The following CEP112 variants were observed in gnomAD, a reference collection of about 807,000 sequenced individuals.
CEP112 encodes centrosomal protein 112.
CEP112 carries 127 observed loss-of-function variants against 153.0 expected under a neutral mutation model. The ratio of observed to expected loss-of-function variants is 0.83; its 90% confidence interval spans 0.72 to 0.96. CEP112 has a LOEUF of 0.96. CEP112 is among the 40% of genes least tolerant of loss of function. The pLI, the probability that CEP112 is intolerant of heterozygous loss-of-function variation, is 0.00. For missense variants in CEP112, 1,089 were observed against 1,101.2 expected, an observed-to-expected ratio of 0.99 and a Z score of 0.16; for synonymous variants, 358 against 374.4, an observed-to-expected ratio of 0.96 and a Z score of 0.51.
At position 65,868,973 on chromosome 17, in the gene CEP112, A is replaced by G. The variant is rs146467121; in HGVS notation, c.2164-16939T>C. Among the ~76,000 whole-genome samples, 8 of 152,352 alleles carry G rather than the reference A, an allele frequency of 5.3e-5. No homozygotes were observed. In the East Asian group the frequency reaches 1.5e-3, roughly 29 times the overall value. On this transcript the variant is annotated intron_variant, in intron 20 of 26. Coordinates refer to ENST00000535342, the MANE Select transcript of CEP112 (RefSeq NM_001199165.4). The stretch of plus-strand genomic sequence containing the variant: ...GGCTCAAATTTGAACACGTGTTCTC[A>G]TAAGTTATTGCATAGACAGGTAGCT...
At chr17:65,901,070 C>T (rs1019927576) in intron 20 of CEP112, among the ~76,000 whole-genome samples, 21 of 152,264 alleles carry the variant, frequency 1.4e-4, no homozygotes, top group African/African-American at 2.9e-4. Context: ...TACCACCTCC[C>T]GCTGTCCACT....
At chr17:65,786,169 T>C (rs1176013970) in intron 21 of CEP112, among the ~76,000 whole-genome samples, 2 of 152,248 alleles carry the variant, frequency 1.3e-5, no homozygotes, top group Non-Finnish European at 2.9e-5. Flanking sequence ...ATTTAATTAT[T>C]TCATGCTATT....
chr17:65,687,552 T>A (rs1353318118), intron 24 of CEP112, among the ~76,000 whole-genome samples: 1 of 152,226 alleles, frequency 6.6e-6, no homozygotes, highest in Non-Finnish European at 1.5e-5. Flanking sequence ...ATAAAACGTA[T>A]ATGTATATAT....
At chr17:65,650,623 C>A (rs200196075) in intron 24 of CEP112, among the ~76,000 whole-genome samples, 9 of 149,766 alleles carry the variant, frequency 6.0e-5, no homozygotes, top group Admixed American at 2.7e-4. Flanking sequence ...TGGCCAGGAG[C>A]GGTGGCTCAT....
chr17:65,685,730 T>C (rs1165635810), intron 24 of CEP112, among the ~76,000 whole-genome samples: 1 of 139,612 alleles, frequency 7.2e-6, no homozygotes, highest in African/African-American at 2.7e-5. Flanking sequence ...TGGAGTGCAA[T>C]GGCACAATCT....
At chr17:65,750,177 T>C (rs988567174) in intron 22 of CEP112, among the ~76,000 whole-genome samples, 1 of 152,204 alleles carries the variant, frequency 6.6e-6, no homozygotes, top group Non-Finnish European at 1.5e-5. Flanking sequence ...CTTAGAATTC[T>C]CTTTGTCCTA....
chr17:65,986,445 T>C (rs1849838440), intron 17 of CEP112, among the ~76,000 whole-genome samples: 1 of 152,206 alleles, frequency 6.6e-6, no homozygotes, highest in Non-Finnish European at 1.5e-5. Context: ...GATTCTTCTA[T>C]GATAATGCTT....
intron 1 of CEP112, among the ~76,000 whole-genome samples, chr17:66,190,092 G>A (rs1312204431): frequency 6.6e-6 from 1 of 151,924 alleles, no homozygotes; most frequent in East Asian, 1.9e-4. Context: ...CACTTTGGGA[G>A]GCCGAGGCGG....
At chr17:66,034,970 T>TGTGTGTGGGTGTGTGTG (rs1568411071) in intron 12 of CEP112, among the ~76,000 whole-genome samples, 1 of 96,758 alleles carries the variant, frequency 1.0e-5, no homozygotes, top group Admixed American at 1.4e-4. Flanking sequence ...AGCTAAGTTT[T>TGTGTGTGGGTGTGTGTG]TGCATGTATA....
intron 1 of CEP112, among the ~76,000 whole-genome samples, chr17:66,185,153 T>C (rs1401104247): frequency 2.0e-5 from 3 of 152,028 alleles, no homozygotes; most frequent in African/African-American, 4.8e-5. Flanking sequence ...ACTATCTATG[T>C]AGGAAGTTAT....
intron 19 of CEP112, among the ~76,000 whole-genome samples, chr17:65,922,988 T>A (rs543277649): frequency 4.6e-5 from 7 of 152,152 alleles, no homozygotes; most frequent in Non-Finnish European, 1.0e-4. Flanking sequence ...TCCAAGCAAC[T>A]TCCCCCATCA....
intron 20 of CEP112, among the ~76,000 whole-genome samples, chr17:65,860,192 A>T (rs1451918101): frequency 6.6e-6 from 1 of 151,504 alleles, no homozygotes; most frequent in East Asian, 1.9e-4. Context: ...AATTATAAAC[A>T]TTTACAGCTA....
intron 17 of CEP112, among the ~76,000 whole-genome samples, chr17:65,978,493 A>G (rs1168428722): frequency 6.6e-6 from 1 of 152,254 alleles, no homozygotes; most frequent in African/African-American, 2.4e-5. Flanking sequence ...TGAAATCTCT[A>G]TGAACCTCAG....
chr17:66,110,676 GA>G (rs72146457), intron 6 of CEP112, among the ~76,000 whole-genome samples: 25,183 of 133,242 alleles, frequency 0.19, 2,978 homozygotes, highest in African/African-American at 0.37. Context: ...AACAAGAAAT[GA>G]AAAAAAAAAA....
intron 12 of CEP112, among the ~76,000 whole-genome samples, chr17:66,036,034 A>C (rs1348447882): frequency 2.6e-5 from 4 of 152,264 alleles, no homozygotes; most frequent in Non-Finnish European, 5.9e-5. Flanking sequence ...TTATTCAGCC[A>C]TTAAAAAGGG....
At chr17:65,687,473 T>G (rs1050438725) in intron 24 of CEP112, among the ~76,000 whole-genome samples, 1 of 152,104 alleles carries the variant, frequency 6.6e-6, no homozygotes, top group Non-Finnish European at 1.5e-5. Flanking sequence ...GCCTAGTTAT[T>G]ATTAATTTTT....
intron 24 of CEP112, among the ~76,000 whole-genome samples, chr17:65,654,056 C>CAAAAAAAAAAAAA (rs773433478): frequency 3.3e-4 from 9 of 26,878 alleles, no homozygotes; most frequent in African/African-American, 1.3e-3. Context: ...AAGACTCCAT[C>CAAAAAAAAAAAAA]AAAAAAAAAA....
chr17:65,907,667 G>A (rs1315591483), intron 19 of CEP112, among the ~76,000 whole-genome samples: 3 of 152,166 alleles, frequency 2.0e-5, no homozygotes, highest in Non-Finnish European at 4.4e-5. Context: ...GGGTCCAGAG[G>A]AGAAACCCTA....
chr17:66,180,442 C>T (rs1327042636), intron 2 of CEP112, among the ~76,000 whole-genome samples: 3 of 151,778 alleles, frequency 2.0e-5, no homozygotes, highest in African/African-American at 7.3e-5. Flanking sequence ...ATTATGTAAA[C>T]CTTGAAAGAG....
Sources: allele counts gnomAD v4.1 joint callset (sites outside exome capture counted in the v4.1 genomes callset), GRCh38; gene constraint gnomAD v4.1.1; transcripts MANE v1.5; gene names NCBI Gene and HGNC (gene_info 2026-07-23, HGNC 2026-07-21).